Variants in JAG2 observed in about 807,000 individuals in gnomAD.
JAG2 encodes protein jagged-2.
In JAG2, 46 loss-of-function variants were observed where a neutral mutation model predicts 141.7. That is an observed-to-expected ratio of 0.32 (90% CI 0.26 to 0.42). The LOEUF is 0.42. Among genes scored for constraint, JAG2 ranks in the 10% least tolerant of loss-of-function variants. The pLI is 1.00. For synonymous variants in JAG2, 862 were observed against 763.5 expected, an observed-to-expected ratio of 1.13 and a Z score of -2.13; for missense variants, 1,500 against 1,817.5, an observed-to-expected ratio of 0.83 and a Z score of 3.18.
At chr14:105,147,628 A>G in intron 18 of JAG2, 101 bp from the exon 19 acceptor site, 2 of 1,138,350 alleles carry the variant, frequency 1.8e-6, no homozygotes, top group Non-Finnish European at 2.6e-6. Flanking sequence ...GGGGCTGGGG[A>G]GGGTCATCAA....
In JAG2 at chr14:105,148,907, A is replaced by G; in HGVS notation, c.1906+30T>C. 1.9e-6 allele frequency: 3 copies of G among 1,595,626 alleles called. No homozygotes were observed. In the South Asian group the frequency reaches 3.4e-5, roughly 18 times the overall value. ...CAGGGCCTCAGGCCAGCCCAGCCCC[A>G]CCACCAGCCCGCCGTTCGTGGCCAC... On this transcript the variant is annotated intron_variant, in intron 14 of 25. Coordinates refer to ENST00000331782, the MANE Select transcript of JAG2 (RefSeq NM_002226.5).
chr14:105,145,196 C>G (rs903510473), intron 23 of JAG2, 135 bp from the exon 24 acceptor site: 1 of 1,245,734 alleles, frequency 8.0e-7, no homozygotes, highest in Non-Finnish European at 1.1e-6. Flanking sequence ...ATGCCAAGGG[C>G]CTGGGGGGGC....
At chr14:105,144,806 A>T (rs916872790) in intron 24 of JAG2, 124 bp downstream of exon 24, 1 of 1,280,444 alleles carries the variant, frequency 7.8e-7, no homozygotes, top group African/African-American at 1.5e-5. Context: ...GCAGGGAGAC[A>T]GGCCTGCCCG....
chr14:105,149,369 G>A lies in JAG2; in HGVS notation c.1603-49C>T, dbSNP rs1049784094. 4.3e-6 allele frequency: 7 copies of A among 1,610,360 alleles called. No homozygotes were observed. The African/African-American group carries it at 6.7e-5, about 15-fold the overall frequency. ...AGAGCCTAGGCCCAGGCCCAGGCCG[G>A]GAACACAGGCCAGGCCTCTGTCCAT... On this transcript the variant is annotated intron_variant, in intron 12 of 25. Transcript: ENST00000331782.
At chr14:105,150,463 T>C in intron 12 of JAG2, 141 bp downstream of exon 12, 1 of 846,044 alleles carries the variant, frequency 1.2e-6, no homozygotes, top group South Asian at 1.8e-5. Context: ...TGGCACCCAG[T>C]GGAGAGCTGA....
intron 2 of JAG2, among the ~76,000 whole-genome samples, chr14:105,159,357 C>T (rs771180403): frequency 2.4e-4 from 36 of 151,950 alleles, no homozygotes; most frequent in Admixed American, 4.6e-4. Flanking sequence ...CTAGCCACGT[C>T]GAGCTGACAA....
At position 105,148,246 on chromosome 14, in the gene JAG2, C is replaced by T. The variant is rs372332625; in HGVS notation, c.2135-17G>A. The T allele has an allele frequency of 5.1e-4, 797 of 1,566,896 alleles. 4 individuals carry two copies. In the African/African-American group the frequency reaches 7.3e-3, roughly 14 times the overall value. On this transcript the variant is annotated splice_polypyrimidine_tract_variant and intron_variant, in intron 16 of 25. Transcript: ENST00000331782. Reference sequence around the variant, plus strand: ...GGAACTCGCCTGTTGGCACATGGGCCGCTCAGCAGGCAGGCCCCAGACCGC... The same window carrying T: ...GGAACTCGCCTGTTGGCACATGGGCTGCTCAGCAGGCAGGCCCCAGACCGC...
At position 105,151,204 on chromosome 14, in the gene JAG2, A is replaced by AGCCCCC. The variant is rs1566763761; in HGVS notation, c.1267+78_1267+79insGGGGGC. On this transcript the variant is annotated intron_variant, in intron 9 of 25. Transcript: ENST00000331782. Reference sequence around the variant, plus strand: ...GCAGCCCAGCAGCCCCAGCAGCCCCAGCAGCCCCCGCAGCCCCAGCAGCCC... The same window carrying AGCCCCC: ...GCAGCCCAGCAGCCCCAGCAGCCCCAGCCCCCGCAGCCCCCGCAGCCCCAGCAGCCC... 10 of 715,932 alleles carry AGCCCCC rather than the reference A, an allele frequency of 1.4e-5. No individual in the cohort carries two copies. The African/African-American group carries it at 2.2e-4, about 15-fold the overall frequency. 44.3% of individuals were successfully genotyped at this position (715,932 alleles called of 1,614,324 possible).
intron 12 of JAG2, among the ~76,000 whole-genome samples, chr14:105,150,359 G>A (rs1486266457): frequency 6.6e-6 from 1 of 152,056 alleles, no homozygotes; most frequent in African/African-American, 2.4e-5. Context: ...GCAGCCCGGG[G>A]GCTCCTAGCC....
rs1409044896 is a variant in JAG2, at chr14:105,145,715, C to T, written c.2952+16G>A. The T allele has an allele frequency of 3.8e-6, 6 of 1,584,408 alleles. No homozygotes were observed. The East Asian group carries it at 1.4e-4, about 37-fold the overall frequency. ...CGTGTGGCCTCTGCAAGCTCAGATG[C>T]CACCAGGCCCCTCACCTGGGGCACG... is the stretch of plus-strand genomic sequence containing the variant. On this transcript the variant is annotated intron_variant, in intron 23 of 25. Coordinates refer to ENST00000331782, the MANE Select transcript of JAG2 (RefSeq NM_002226.5).
intron 22 of JAG2, 151 bp from the exon 23 acceptor site, chr14:105,146,124 C>T: frequency 1.5e-6 from 2 of 1,293,222 alleles, no homozygotes; most frequent in Non-Finnish European, 2.1e-6. Flanking sequence ...CCACCCCCTA[C>T]CCAGGGCTCC....
Position 105,168,556 on chromosome 14 carries a change from GGCGGCGCGGGCGGGGTCGAGCGCAGCGCC to G in JAG2, c.-165_-137del, listed in dbSNP as rs1158870996. 1 of 146,244 alleles carries G rather than the reference GGCGGCGCGGGCGGGGTCGAGCGCAGCGCC, an allele frequency of 6.8e-6. No homozygotes were observed. Among genetic ancestry groups the G allele is most frequent in the Admixed American group, 6.8e-5 (1 of 14,678 alleles). The allele number at this position is 146,244 out of a possible 1,614,324, so 9.1% of individuals were successfully genotyped here. On this transcript the variant is annotated 5_prime_UTR_variant, in exon 1 of 26. Coordinates refer to ENST00000331782, the MANE Select transcript of JAG2 (RefSeq NM_002226.5). ...CGGCAGCGGCAGAGGCGGCGGCGGCGGCGGCGCGGGCGGGGTCGAGCGCAGCGCCGCGGCGCGCGGGCCTGGGCGGCGGG... is the reference window on the plus strand; with the variant it reads ...CGGCAGCGGCAGAGGCGGCGGCGGCGGCGGCGCGCGGGCCTGGGCGGCGGG...
intron 20 of JAG2, 189 bp from the exon 21 acceptor site, chr14:105,146,913 A>G: frequency 4.5e-6 from 3 of 669,682 alleles, no homozygotes; most frequent in Non-Finnish European, 8.2e-6. Context: ...ACCCTGGCCC[A>G]ACAGCACCCT....
chr14:105,165,764 G>A (rs1262765447), intron 2 of JAG2, among the ~76,000 whole-genome samples: 2 of 152,182 alleles, frequency 1.3e-5, no homozygotes, highest in African/African-American at 2.4e-5. Context: ...TTTACTCCAA[G>A]GAGCCCAAAA....
Position 105,143,009 on chromosome 14 carries a change from G to A in JAG2, c.3403C>T (p.Arg1135Cys), listed in dbSNP as rs1257319943. Residue 1135 changes from arginine (R) to cysteine (C), a missense_variant, in exon 26 of 26, where the codon CGC becomes TGC. Arg to Cys is a radical substitution (Grantham distance 180, BLOSUM62 -3). This residue lies in a region of JAG2 where 425 missense variants were observed against 441.0 expected (regional missense o/e 0.96). Coordinates refer to ENST00000331782, the MANE Select transcript of JAG2 (RefSeq NM_002226.5). The stretch of plus-strand genomic sequence containing the variant: ...CCCCCCGGCCGCTCAATGGGGTTGC[G>A]GATGGGGTTGAGCGGGGCCCACTGG... ...NNQWAPLNPI[R>C]NPIERPGGHK... 26 of 1,606,870 alleles carry A rather than the reference G, an allele frequency of 1.6e-5. No homozygotes were observed. The highest frequency in any genetic ancestry group is 4.5e-5 in the East Asian group (2 of 44,896).
chr14:105,155,423 A>G lies in JAG2; in HGVS notation c.788+139T>C. ...ACCTACTGCACTAAGGAGCCTCCCG[A>G]GCTCAGGGCCCGGCTCTCACAGCTG... is the stretch of plus-strand genomic sequence containing the variant. On this transcript the variant is annotated intron_variant, in intron 5 of 25. Coordinates refer to ENST00000331782, the MANE Select transcript of JAG2 (RefSeq NM_002226.5). 3.2e-6 allele frequency: 3 copies of G among 932,532 alleles called. 1 individual carries two copies. In the South Asian group the frequency reaches 3.9e-5, roughly 12 times the overall value. The allele number at this position is 932,532 out of a possible 1,614,324, so 57.8% of individuals were successfully genotyped here. A position where few individuals can be genotyped will look rare whatever the true frequency, so the allele number is the denominator to read the frequency against.
At chr14:105,151,806 C>G in intron 7 of JAG2, 67 bp from the exon 8 acceptor site, 1 of 1,601,468 alleles carries the variant, frequency 6.2e-7, no homozygotes, top group Non-Finnish European at 8.5e-7. Flanking sequence ...GCACTCCTCC[C>G]CAAGCCCACA....
chr14:105,152,147 C>T lies in JAG2; in HGVS notation c.919+14G>A, dbSNP rs780460545. 4 of 1,613,684 alleles carry T rather than the reference C, an allele frequency of 2.5e-6. No homozygotes were observed. In the South Asian group the frequency reaches 3.3e-5, roughly 13 times the overall value. On this transcript the variant is annotated intron_variant, in intron 6 of 25. Coordinates refer to ENST00000331782, the MANE Select transcript of JAG2 (RefSeq NM_002226.5). ...CGATGGCAGAGCATTAGGCCTGCCG[C>T]CCCCTACCACTACCTTTGTCACAGA... is the stretch of plus-strand genomic sequence containing the variant.
At chr14:105,149,353 G>A (rs769580291) in intron 12 of JAG2, 33 bp from the exon 13 acceptor site, 6 of 1,612,044 alleles carry the variant, frequency 3.7e-6, no homozygotes, top group Non-Finnish European at 2.5e-6. Context: ...GAGAGCCTAG[G>A]CCCAGGCCCA....
Sources: gnomAD v4.1 joint callset for allele counts (sites outside exome capture counted in the v4.1 genomes callset) on GRCh38, gnomAD v4.1.1 for gene constraint, gnomAD v4.1.1 regional missense constraint, MANE v1.5 for transcripts, NCBI Gene and HGNC (gene_info 2026-07-23, HGNC 2026-07-21) for gene names.